The following PRAMEF11 variants were observed in gnomAD, a reference collection of about 807,000 sequenced individuals.
PRAMEF11 encodes PRAME family member 11.
PRAMEF11 carries 17 observed loss-of-function variants against 33.6 expected under a neutral mutation model. That is an observed-to-expected ratio of 0.51 (90% CI 0.35 to 0.76). The LOEUF is 0.76. PRAMEF11 is among the 30% of genes least tolerant of loss of function. The pLI, the probability that PRAMEF11 is intolerant of heterozygous loss-of-function variation, is 0.01. For synonymous variants in PRAMEF11, 205 were observed against 227.3 expected, an observed-to-expected ratio of 0.90 and a Z score of 0.88; for missense variants, 568 against 567.0, an observed-to-expected ratio of 1.00 and a Z score of -0.02.
chr1:12,827,515 C>G lies in PRAMEF11; in HGVS notation c.609G>C (p.Met203Ile), dbSNP rs1353384565. Residue 203 changes from methionine (M) to isoleucine (I), a missense_variant, in exon 3 of 4, where the codon ATG becomes ATC. Physicochemically the swap from Met to Ile is conservative, Grantham distance 10 (BLOSUM62 1). Transcript: ENST00000619922. ...PFRNIRSILKMVNLDCIQEVE... is the reference protein window; with the variant it reads ...PFRNIRSILKIVNLDCIQEVE... ...CCTCCTGGATACAGTCTAGGTTCAC[C>G]ATTTTCAGGATGCTTCTGATATTGC... 3 of 1,611,310 alleles carry G rather than the reference C, an allele frequency of 1.9e-6. No homozygotes were observed. The East Asian group carries it at 6.7e-5, about 36-fold the overall frequency.
rs774355147 is a variant in PRAMEF11 at position 12,825,168 on chromosome 1, G to A, written c.1211C>T (p.Thr404Ile). 6.2e-7 allele frequency: 1 copy of A among 1,608,736 alleles called. No individual in the cohort carries two copies. The highest frequency in any genetic ancestry group is 1.3e-5 in the African/African-American group (1 of 74,746). The change falls in exon 4 of 4, where the codon ACA (threonine) becomes ATA (isoleucine). Residue 404 changes from threonine to isoleucine, a missense_variant. Physicochemically the swap from Thr to Ile is moderately conservative, Grantham distance 89. Transcript: ENST00000619922. ...CAGGCATAAGTTTTTGAGTATGATTGTGTGGCTCAGCAGGTTCTCCAGGGT... is the reference window on the plus strand; with the variant it reads ...CAGGCATAAGTTTTTGAGTATGATTATGTGGCTCAGCAGGTTCTCCAGGGT... ...MATLENLLSH[T>I]IILKNLCLEL...
chr1:12,827,669 AAC>A lies in PRAMEF11; in HGVS notation c.453_454del (p.Phe152CysfsTer12), dbSNP rs1639902501. On this transcript the variant is annotated frameshift_variant, in exon 3 of 4. Coordinates refer to ENST00000619922, the MANE Select transcript of PRAMEF11 (RefSeq NM_001146344.3). LOFTEE classifies it high-confidence loss of function. Reference sequence around the variant, plus strand: ...CCTGTTCTTGAGCCAAAGTTCTACAAACACAGTCAAGGGCTGCCGTCCTCTCA... The same window carrying A: ...CCTGTTCTTGAGCCAAAGTTCTACAAACAGTCAAGGGCTGCCGTCCTCTCA... 6.2e-7 allele frequency: 1 copy of A among 1,609,550 alleles called. No homozygotes were observed. Among genetic ancestry groups the A allele is most frequent in the African/African-American group, 1.3e-5 (1 of 74,578 alleles).
Position 12,825,390 on chromosome 1 carries a change from A to C in PRAMEF11, c.989T>G (p.Leu330Arg). Residue 330 changes from leucine (L) to arginine (R), a missense_variant, in exon 4 of 4, where the codon CTG (leucine) becomes CGG (arginine). This residue lies in a region of PRAMEF11 where 52 missense variants were observed against 127.8 expected (regional missense o/e 0.41). Coordinates refer to ENST00000619922, the MANE Select transcript of PRAMEF11 (RefSeq NM_001146344.3). Reference sequence around the variant, plus strand: ...GTAATTGGTCAGTCTGATGCCACTCAGGTCCAGGGTCTTTAGTTGACTGAT... The same window carrying C: ...GTAATTGGTCAGTCTGATGCCACTCCGGTCCAGGGTCTTTAGTTGACTGAT... ...PSISQLKTLD[L>R]SGIRLTNYSL... 3 of 1,404,276 alleles carry C rather than the reference A, an allele frequency of 2.1e-6. No homozygotes were observed. The highest frequency in any genetic ancestry group is 2.9e-6 in the Non-Finnish European group (3 of 1,019,404). The allele number at this position is 1,404,276 out of a possible 1,614,324, so 87.0% of individuals were successfully genotyped here.
chr1:12,828,809 C>T lies in PRAMEF11; in HGVS notation c.-16-4G>A, dbSNP rs950163246. ...CTTCATGAATCTGCAGGGAAAACTT[C>T]CAGAGGACAAACCCAGAGAAAAGGC... is the stretch of plus-strand genomic sequence containing the variant. On this transcript the variant is annotated splice_polypyrimidine_tract_variant and splice_region_variant and intron_variant, in intron 1 of 3. Transcript: ENST00000619922. The T allele has an allele frequency of 1.9e-6, 3 of 1,608,658 alleles. No individual in the cohort carries two copies. Among genetic ancestry groups the T allele is most frequent in the Non-Finnish European group, 2.5e-6 (3 of 1,177,876 alleles).
chr1:12,826,915 C>T (rs1463857354), intron 3 of PRAMEF11, among the ~76,000 whole-genome samples: 18 of 151,270 alleles, frequency 1.2e-4, no homozygotes, highest in East Asian at 1.2e-3. Context: ...CATGAGCCAA[C>T]GCCCCTGGCC....
At chr1:12,826,728 C>T (rs1305887317) in intron 3 of PRAMEF11, among the ~76,000 whole-genome samples, 1 of 151,276 alleles carries the variant, frequency 6.6e-6, no homozygotes, top group Non-Finnish European at 1.5e-5. Context: ...CACAAGTGCA[C>T]TCTACCCTGG....
rs753202201 is a variant in PRAMEF11 at position 12,828,703 on chromosome 1, G to C, written c.87C>G (p.Thr29=). The C allele has an allele frequency of 1.2e-6, 2 of 1,610,322 alleles. No homozygotes were observed. The highest frequency in any genetic ancestry group is 2.7e-5 in the African/African-American group (2 of 74,744). ...LLRDQALAVS[T]LEELPTELFP... ...AAAGTTCCGTGGGCAGCTCCTCCAG[G>C]GTGGAGACGGCCAAGGCTTGGTCCC... The change falls in exon 2 of 4, where the codon ACC becomes ACG. Residue 29 remains threonine, a synonymous_variant. Coordinates refer to ENST00000619922, the MANE Select transcript of PRAMEF11 (RefSeq NM_001146344.3).
At chr1:12,829,795 C>T (rs1248089082) in intron 1 of PRAMEF11, among the ~76,000 whole-genome samples, 2 of 150,646 alleles carry the variant, frequency 1.3e-5, no homozygotes, top group South Asian at 2.2e-4. Flanking sequence ...ATCACTTGAA[C>T]CCAGGAGGCA....
At chr1:12,826,485 G>A (rs1219927258) in intron 3 of PRAMEF11, among the ~76,000 whole-genome samples, 1 of 151,168 alleles carries the variant, frequency 6.6e-6, no homozygotes, top group African/African-American at 2.4e-5. Flanking sequence ...TTGTTGGCTG[G>A]GCGTGGTAGC....
intron 2 of PRAMEF11, 109 bp downstream of exon 2, chr1:12,828,388 G>A (rs974527145): frequency 1.4e-6 from 2 of 1,428,190 alleles, no homozygotes; most frequent in African/African-American, 1.5e-5. Flanking sequence ...AGTCCTCTCG[G>A]CTTCCTCACC....
At chr1:12,826,297 T>C (rs1639865458) in intron 3 of PRAMEF11, among the ~76,000 whole-genome samples, 1 of 145,564 alleles carries the variant, frequency 6.9e-6, no homozygotes, top group Non-Finnish European at 1.5e-5. Context: ...TCCTAGGTAA[T>C]TAATTTACCT....
chr1:12,827,618 A>G lies in PRAMEF11; in HGVS notation c.506T>C (p.Leu169Pro). 6.2e-7 allele frequency: 1 copy of G among 1,609,552 alleles called. No homozygotes were observed. Among genetic ancestry groups the G allele is most frequent in the Non-Finnish European group, 8.5e-7 (1 of 1,177,668 alleles). The part of the protein sequence containing the change: ...NRTLDEYLTC[L>P]LLWVKQRRDL... Reference sequence around the variant, plus strand: ...TCTCCTCTGCTTGACCCATAGAAGGAGGCAGGTGAGGTATTCATCCAGAGT... The same window carrying G: ...TCTCCTCTGCTTGACCCATAGAAGGGGGCAGGTGAGGTATTCATCCAGAGT... Residue 169 changes from leucine (L) to proline (P), a missense_variant, in exon 3 of 4, where the codon CTC (leucine) becomes CCC (proline). Leu to Pro is a moderately conservative substitution (Grantham distance 98). This residue lies in a region of PRAMEF11 where 342 missense variants were observed against 312.0 expected (regional missense o/e 1.10). Coordinates refer to ENST00000619922, the MANE Select transcript of PRAMEF11 (RefSeq NM_001146344.3).
Position 12,827,819 on chromosome 1 carries a change from A to C in PRAMEF11, c.305T>G (p.Leu102Arg). ...TQGVRPRRWK[L>R]QVLDLQDVCE... ...GACATCCTGTAAATCCAGCACTTGAAGTTTCCATCTCCTGTGGGAAAATAG... is the reference window on the plus strand; with the variant it reads ...GACATCCTGTAAATCCAGCACTTGACGTTTCCATCTCCTGTGGGAAAATAG... The change falls in exon 3 of 4, where the codon CTT (leucine) becomes CGT (arginine). Residue 102 changes from leucine (L) to arginine (R), a missense_variant. Coordinates refer to ENST00000619922, the MANE Select transcript of PRAMEF11 (RefSeq NM_001146344.3). 1 of 1,607,268 alleles carries C rather than the reference A, an allele frequency of 6.2e-7. No homozygotes were observed. Among genetic ancestry groups the C allele is most frequent in the Non-Finnish European group, 8.5e-7 (1 of 1,177,780 alleles).
chr1:12,828,164 T>G (rs2994115), intron 2 of PRAMEF11, among the ~76,000 whole-genome samples: 60,577 of 143,342 alleles, frequency 0.42, 14,713 homozygotes, highest in African/African-American at 0.66. Flanking sequence ...TTTAGTATTT[T>G]TAGTAGAGTT....
rs1423784810 is a variant in PRAMEF11, at chr1:12,830,679, C to T, written c.-17+677G>A. On this transcript the variant is annotated intron_variant, in intron 1 of 3. Coordinates refer to ENST00000619922, the MANE Select transcript of PRAMEF11 (RefSeq NM_001146344.3). ...GACTACAGATGCATGTCACCATGCTCGGCTAATTAAAAAAAAAAAAAGTAG... is the reference window on the plus strand; with the variant it reads ...GACTACAGATGCATGTCACCATGCTTGGCTAATTAAAAAAAAAAAAAGTAG... Among the ~76,000 whole-genome samples the T allele has an allele frequency of 8.7e-5, 13 of 149,462 alleles. No individual in the cohort carries two copies. The South Asian group carries it at 2.6e-3, about 30-fold the overall frequency.
Position 12,824,972 on chromosome 1 carries a change from A to C in PRAMEF11, c.1407T>G (p.Tyr469Ter), listed in dbSNP as rs1639823438. ...NCPDHGDRSF[Y>*]DLEADQYCC ...AGCAGTATTGATCTGCCTCCAGGTC[A>C]TAAAATGACCTGTCGCCATGGTCAG... The change falls in exon 4 of 4, where the codon TAT becomes TAG. Residue 469 changes from tyrosine to a stop codon, truncating the protein, a stop_gained. Coordinates refer to ENST00000619922, the MANE Select transcript of PRAMEF11 (RefSeq NM_001146344.3). LOFTEE classifies it high-confidence loss of function. 2 of 1,609,598 alleles carry C rather than the reference A, an allele frequency of 1.2e-6. No homozygotes were observed. Among genetic ancestry groups the C allele is most frequent in the Admixed American group, 1.7e-5 (1 of 59,566 alleles).
In PRAMEF11 at chr1:12,824,717, C is replaced by T; in HGVS notation, c.*225G>A. 1 of 634,312 alleles carries T rather than the reference C, an allele frequency of 1.6e-6. No individual in the cohort carries two copies. The highest frequency in any genetic ancestry group is 2.6e-6 in the Non-Finnish European group (1 of 378,012). The allele number at this position is 634,312 out of a possible 1,614,324, so 39.3% of individuals were successfully genotyped here. On this transcript the variant is annotated 3_prime_UTR_variant, in exon 4 of 4. Transcript: ENST00000619922. ...ATTCCACTCTAGACATTCAGATTCC[C>T]ATTTTCGACTCTACAGGATACAGGT...
At position 12,828,805 on chromosome 1, in the gene PRAMEF11, A is replaced by G; in HGVS notation, c.-16T>C. On this transcript the variant is annotated splice_region_variant and 5_prime_UTR_variant, in exon 2 of 4. Coordinates refer to ENST00000619922, the MANE Select transcript of PRAMEF11 (RefSeq NM_001146344.3). Reference sequence around the variant, plus strand: ...TCATCTTCATGAATCTGCAGGGAAAACTTCCAGAGGACAAACCCAGAGAAA... The same window carrying G: ...TCATCTTCATGAATCTGCAGGGAAAGCTTCCAGAGGACAAACCCAGAGAAA... 2 of 1,608,730 alleles carry G rather than the reference A, an allele frequency of 1.2e-6. No homozygotes were observed. The highest frequency in any genetic ancestry group is 1.7e-6 in the Non-Finnish European group (2 of 1,177,880).
At position 12,829,687 on chromosome 1, in the gene PRAMEF11, G is replaced by A. The variant is rs990252235; in HGVS notation, c.-16-882C>T. 2.6e-5 allele frequency among the ~76,000 whole-genome samples: 4 copies of A among 151,318 alleles called. 1 individual carries two copies. The highest frequency in any genetic ancestry group is 9.7e-5 in the African/African-American group (4 of 41,230). On this transcript the variant is annotated intron_variant, in intron 1 of 3. Transcript: ENST00000619922. The stretch of plus-strand genomic sequence containing the variant: ...GGCCTCCCAACATAGTGGGATTATA[G>A]GTGTGAGCCTCCGCCCCAGCCTCAT...
Sources: allele counts gnomAD v4.1 joint callset (sites outside exome capture counted in the v4.1 genomes callset), GRCh38; gene constraint gnomAD v4.1.1; regional missense constraint gnomAD v4.1.1; transcripts MANE v1.5; gene names NCBI Gene and HGNC (gene_info 2026-07-23, HGNC 2026-07-21).